The following DCAF12 variants were observed in gnomAD, a reference collection of about 807,000 sequenced individuals.
DCAF12 encodes DDB1- and CUL4-associated factor 12.
In DCAF12, 28 loss-of-function variants were observed where a neutral mutation model predicts 52.8. The ratio of observed to expected loss-of-function variants is 0.53; its 90% CI spans 0.39 to 0.73. The LOEUF (loss-of-function observed/expected upper bound fraction) is 0.73, where lower values mean the gene tolerates loss of function less well. Among genes scored for constraint, DCAF12 ranks in the 30% least tolerant of loss-of-function variants. The probability of loss-of-function intolerance (pLI) is 0.00; values close to 1 mark genes in which losing one functional copy is unlikely to be tolerated. For missense variants in DCAF12, 425 were observed against 552.2 expected (o/e 0.77, Z 2.31); for synonymous variants, 196 against 215.5 (o/e 0.91, Z 0.79).
chr9:34,117,632 T>A (rs1487424074), intron 2 of DCAF12, among the ~76,000 whole-genome samples: 1 of 152,128 alleles, frequency 6.6e-6, no homozygotes, highest in East Asian at 1.9e-4. Context: ...AAAGAAATTC[T>A]TGCTGGGTGC....
At chr9:34,098,831 C>G (rs950282909) in intron 4 of DCAF12, among the ~76,000 whole-genome samples, 2 of 151,730 alleles carry the variant, frequency 1.3e-5, no homozygotes, top group Non-Finnish European at 2.9e-5. Flanking sequence ...TGCAGTGGTG[C>G]GATCTCAGCT....
At chr9:34,101,061 C>CA (rs1259984394) in intron 4 of DCAF12, among the ~76,000 whole-genome samples, 296 of 114,744 alleles carry the variant, frequency 2.6e-3, no homozygotes, top group Non-Finnish European at 4.2e-3. Context: ...AAACCCTCCC[C>CA]AACTTTTTTT....
chr9:34,088,151 C>A lies in DCAF12; in HGVS notation c.*199G>T. On this transcript the variant is annotated 3_prime_UTR_variant, in exon 9 of 9. Coordinates refer to ENST00000361264, the MANE Select transcript of DCAF12 (RefSeq NM_015397.4). ...TAAAAGATAGTAAAATTTTGATTAC[C>A]AAAGGGGAAAACAAAAAGCAAAACA... 6.7e-6 allele frequency: 3 copies of A among 448,516 alleles called. No individual in the cohort carries two copies. In the South Asian group the frequency reaches 2.1e-4, roughly 31 times the overall value. 27.8% of individuals were successfully genotyped at this position (448,516 alleles called of 1,614,324 possible). A position where few individuals can be genotyped will look rare whatever the true frequency, so the allele number is the denominator to read the frequency against.
At chr9:34,122,454 G>A (rs1829189664) in intron 2 of DCAF12, among the ~76,000 whole-genome samples, 1 of 150,380 alleles carries the variant, frequency 6.6e-6, no homozygotes, top group Non-Finnish European at 1.5e-5. Context: ...AGTTATATAG[G>A]TTCAAGACAT....
In DCAF12 at chr9:34,093,295, G is replaced by A. The variant is rs1276644935; in HGVS notation, c.1015C>T (p.Arg339Ter). 2 of 1,613,990 alleles carry A rather than the reference G, an allele frequency of 1.2e-6. No individual in the cohort carries two copies. The highest frequency in any genetic ancestry group is 8.5e-7 in the Non-Finnish European group (1 of 1,180,020). The change falls in exon 7 of 9, where the codon CGA (arginine) becomes TGA (stop). Residue 339 changes from arginine to a stop codon, truncating the protein, a stop_gained. Transcript: ENST00000361264. LOFTEE classifies it high-confidence loss of function. ...ACACAGGGACTCTTACCACTGCCTC[G>A]CTCCCTGGAACAGACAGACTTGACG... ...YNVKSVCSRE[R>*]GSGIRSVSFY...
intron 2 of DCAF12, among the ~76,000 whole-genome samples, chr9:34,110,811 CCAAGAGTCTCCT>C (rs963691870): frequency 5.3e-5 from 8 of 151,554 alleles, no homozygotes; most frequent in Admixed American, 2.6e-4. Flanking sequence ...CAAAACAAAA[CCAAGAGTCTCCT>C]CAGTCCAGCC....
chr9:34,116,183 C>A (rs1248598528), intron 2 of DCAF12, among the ~76,000 whole-genome samples: 1 of 151,116 alleles, frequency 6.6e-6, no homozygotes, highest in Non-Finnish European at 1.5e-5. Flanking sequence ...CATGGCAAAC[C>A]CTGTCTCTAC....
chr9:34,126,067 T>C (rs975647022), intron 1 of DCAF12, among the ~76,000 whole-genome samples: 1 of 152,180 alleles, frequency 6.6e-6, no homozygotes, highest in Admixed American at 6.5e-5. Flanking sequence ...CGGTTTCCCC[T>C]TCCTCCAAAG....
At position 34,088,257 on chromosome 9, in the gene DCAF12, A is replaced by C; in HGVS notation, c.*93T>G. On this transcript the variant is annotated 3_prime_UTR_variant, in exon 9 of 9. Transcript: ENST00000361264. ...ACTTTGGTGTTCCCACTAAAACACA[A>C]GAGCCTCACACAATTAGGAAAAAAA... The C allele has an allele frequency of 7.2e-7, 1 of 1,398,524 alleles. No individual in the cohort carries two copies. The highest frequency in any genetic ancestry group is 9.6e-7 in the Non-Finnish European group (1 of 1,046,912). The allele number at this position is 1,398,524 out of a possible 1,614,324, so 86.6% of individuals were successfully genotyped here. A position where few individuals can be genotyped will look rare whatever the true frequency, so the allele number is the denominator to read the frequency against.
chr9:34,124,348 C>A (rs1361590902), intron 2 of DCAF12, among the ~76,000 whole-genome samples: 1 of 152,204 alleles, frequency 6.6e-6, no homozygotes, highest in Admixed American at 6.5e-5. Context: ...CTATTCCAAA[C>A]GTTTCTGCTC....
chr9:34,110,155 C>T (rs151159187), intron 2 of DCAF12, among the ~76,000 whole-genome samples: 19 of 152,092 alleles, frequency 1.2e-4, no homozygotes, highest in Admixed American at 3.9e-4. Flanking sequence ...AAACTGGCAA[C>T]TACCTGAGAG....
Position 34,093,428 on chromosome 9 carries a change from TGGCA to T in DCAF12, c.878_881del (p.Leu293HisfsTer53). The T allele has an allele frequency of 6.2e-7, 1 of 1,614,160 alleles. No homozygotes were observed. Among genetic ancestry groups the T allele is most frequent in the Non-Finnish European group, 8.5e-7 (1 of 1,180,028 alleles). ...CCAGACACACATTCTCACGGCAATATGGCAGTTTGGTGGAGAGGAGCTGAAAATA... is the reference window on the plus strand; with the variant it reads ...CCAGACACACATTCTCACGGCAATATGTTTGGTGGAGAGGAGCTGAAAATA... On this transcript the variant is annotated frameshift_variant, in exon 7 of 9. Transcript: ENST00000361264. LOFTEE classifies it high-confidence loss of function.
intron 2 of DCAF12, among the ~76,000 whole-genome samples, chr9:34,119,544 T>G (rs571524159): frequency 2.5e-4 from 38 of 152,208 alleles, no homozygotes; most frequent in Non-Finnish European, 4.0e-4. Flanking sequence ...ACTATTTACT[T>G]AAGTATTCGA....
chr9:34,091,232 C>T (rs1202821235), intron 7 of DCAF12, among the ~76,000 whole-genome samples: 1 of 151,794 alleles, frequency 6.6e-6, no homozygotes, highest in Non-Finnish European at 1.5e-5. Context: ...GAGGCTAAGG[C>T]AGGAGAATCG....
chr9:34,108,245 T>C (rs192338862), intron 2 of DCAF12, among the ~76,000 whole-genome samples: 1 of 152,324 alleles, frequency 6.6e-6, no homozygotes, highest in African/African-American at 2.4e-5. Context: ...AGTCAAACTC[T>C]TCAGTGATTC....
At chr9:34,094,553 C>T (rs1268942260) in intron 6 of DCAF12, among the ~76,000 whole-genome samples, 17 of 135,448 alleles carry the variant, frequency 1.3e-4, no homozygotes, top group African/African-American at 3.3e-4. Context: ...TTTTTTGAGA[C>T]GGAGTCTCGC....
At chr9:34,094,414 T>G (rs945537012) in intron 6 of DCAF12, among the ~76,000 whole-genome samples, 2 of 149,434 alleles carry the variant, frequency 1.3e-5, no homozygotes, top group Admixed American at 1.3e-4. Flanking sequence ...TCAAAAAAAA[T>G]AAAAAAAAGA....
intron 4 of DCAF12, among the ~76,000 whole-genome samples, chr9:34,101,428 T>C (rs1828828418): frequency 6.6e-6 from 1 of 150,658 alleles, no homozygotes. Flanking sequence ...GTTTCACTCT[T>C]ATTGCCCAGG....
At chr9:34,096,203 A>AAAAAC (rs928404723) in intron 6 of DCAF12, 1 of 152,342 alleles carries the variant, frequency 6.6e-6, no homozygotes, top group African/African-American at 2.4e-5. Flanking sequence ...AAAAAATTAA[A>AAAAAC]AAAACAAAAC....
Sources: allele counts gnomAD v4.1 joint callset (sites outside exome capture counted in the v4.1 genomes callset), GRCh38; gene constraint gnomAD v4.1.1; transcripts MANE v1.5; gene names NCBI Gene and HGNC (gene_info 2026-07-23, HGNC 2026-07-21).